ZSCAN31: variants seen among roughly 807,000 people sequenced by gnomAD.
The protein encoded by ZSCAN31 is zinc finger and SCAN domain-containing protein 31.
Under a neutral mutation model 22.5 loss-of-function variants are expected in ZSCAN31, and 14 were observed. The ratio of observed to expected loss-of-function variants is 0.62; its 90% confidence interval spans 0.41 to 0.97. ZSCAN31 has a LOEUF of 0.97. Ranked by LOEUF, ZSCAN31 falls within the 50% of genes least tolerant of loss-of-function variation. The probability of loss-of-function intolerance (pLI) is 0.00; values close to 1 mark genes in which losing one functional copy is unlikely to be tolerated. For missense variants in ZSCAN31, 424 were observed against 483.4 expected (o/e 0.88, Z 1.15); for synonymous variants, 168 against 169.8 (o/e 0.99, Z 0.08).
At chr6:28,355,053 C>T (rs925656286), upstream of ZSCAN31, among the ~76,000 whole-genome samples, 1 of 152,122 alleles carries the variant, frequency 6.6e-6, no homozygotes, top group African/African-American at 2.4e-5. Flanking sequence ...GCAGTAGCAC[C>T]CTGGCTAGAC....
chr6:28,351,744 CT>C lies in ZSCAN31; in HGVS notation c.-371+2117del, dbSNP rs113627966. Among the ~76,000 whole-genome samples, 300 of 151,730 alleles carry C rather than the reference CT, an allele frequency of 2.0e-3. 1 individual carries two copies. Among genetic ancestry groups the C allele is most frequent in the Middle Eastern group, 6.8e-3 (2 of 294 alleles). On this transcript the variant is annotated intron_variant, in intron 2 of 7. Transcript: ENST00000396838. The surrounding 1 kb of genome is among the most constrained non-coding windows in gnomAD (Gnocchi z 4.6). Reference sequence around the variant, plus strand: ...TTCCTTTCCTTCCCTCCCTCTCCCCCTCTTTATCTCTTTTTTTTCCTCATTT... The same window carrying C: ...TTCCTTTCCTTCCCTCCCTCTCCCCCCTTTATCTCTTTTTTTTCCTCATTT...
chr6:28,351,741 C>T lies in ZSCAN31; in HGVS notation c.-371+2121G>A, dbSNP rs1043209747. ...GTCTTCCTTTCCTTCCCTCCCTCTC[C>T]CCCTCTTTATCTCTTTTTTTTCCTC... On this transcript the variant is annotated intron_variant, in intron 2 of 7. Transcript: ENST00000396838. The surrounding 1 kb of genome is among the most constrained non-coding windows in gnomAD (Gnocchi z 4.6). Among the ~76,000 whole-genome samples, 1 of 151,720 alleles carries T rather than the reference C, an allele frequency of 6.6e-6. No homozygotes were observed. Among genetic ancestry groups the T allele is most frequent in the African/African-American group, 2.4e-5 (1 of 41,232 alleles).
upstream of ZSCAN31, chr6:28,355,203 C>T (rs1765341954): frequency 6.6e-6 from 1 of 152,170 alleles, no homozygotes; most frequent in Admixed American, 6.5e-5. Flanking sequence ...TGTAATTGTG[C>T]TTCTAAGGGA....
rs535033374 is a variant in ZSCAN31 at position 28,349,312 on chromosome 6, G to T, written c.-371+4550C>A. Among the ~76,000 whole-genome samples the T allele has an allele frequency of 6.6e-6, 1 of 151,706 alleles. No individual in the cohort carries two copies. The highest frequency in any genetic ancestry group is 6.6e-5 in the Admixed American group (1 of 15,244). On this transcript the variant is annotated intron_variant, in intron 2 of 7. Coordinates refer to the ZSCAN31 transcript ENST00000396838. This position sits in a 1 kb window ranked among gnomAD's most constrained non-coding sequence, Gnocchi z 4.1. ...TAAAGTTACTAATGTTTCCATTCAG[G>T]TATCTTTTGTAAGTATTTGCTTCTG...
chr6:28,346,812 G>A (rs1299711570), intron 2 of ZSCAN31, among the ~76,000 whole-genome samples: 1 of 152,116 alleles, frequency 6.6e-6, no homozygotes, highest in Non-Finnish European at 1.5e-5. Context: ...GGATAGTAGA[G>A]GAGAGAGACA....
intron 2 of ZSCAN31, among the ~76,000 whole-genome samples, chr6:28,345,464 G>T (rs1440979207): frequency 1.3e-5 from 2 of 152,116 alleles, no homozygotes; most frequent in Non-Finnish European, 2.9e-5. Context: ...GTCCCTCCCC[G>T]CTCAGTGGTG....
At chr6:28,334,921 G>A (rs1324757728) in intron 1 of ZSCAN31, among the ~76,000 whole-genome samples, 1 of 152,196 alleles carries the variant, frequency 6.6e-6, no homozygotes, top group Non-Finnish European at 1.5e-5. Context: ...AACTAGAGGT[G>A]ACAAGTTATG....
intron 3 of ZSCAN31, 60 bp from the exon 4 acceptor site, chr6:28,326,914 T>C: frequency 7.1e-7 from 1 of 1,399,362 alleles, no homozygotes. Flanking sequence ...AATACAATCA[T>C]AGGATGGAAA....
At chr6:28,336,898 AT>A (rs1275644890), upstream of ZSCAN31, 4 of 151,928 alleles carry the variant, frequency 2.6e-5, no homozygotes, top group Non-Finnish European at 5.9e-5. Context: ...TGGTTTTGTT[AT>A]TTTGTGTTTT....
chr6:28,349,133 ATG>A lies in ZSCAN31; in HGVS notation c.-371+4727_-371+4728del, dbSNP rs1008442372. On this transcript the variant is annotated intron_variant, in intron 2 of 7. Transcript: ENST00000396838. The surrounding 1 kb of genome is among the most constrained non-coding windows in gnomAD (Gnocchi z 4.1). The stretch of plus-strand genomic sequence containing the variant: ...GTCTCATATACATAGGTGTATATAT[ATG>A]TCTCATATATAGGTGTATATATATG... Among the ~76,000 whole-genome samples the A allele has an allele frequency of 6.3e-5, 9 of 143,854 alleles. 1 individual carries two copies. Among genetic ancestry groups the A allele is most frequent in the African/African-American group, 2.4e-4 (9 of 37,782 alleles). The allele number at this position is 143,854 out of a possible 152,430, so 94.4% of individuals were successfully genotyped here.
In ZSCAN31 at chr6:28,327,547, G is replaced by A. The variant is rs1267973897; in HGVS notation, c.382-14C>T. 1.2e-5 allele frequency: 19 copies of A among 1,610,446 alleles called. No homozygotes were observed. In the East Asian group the frequency reaches 2.9e-4, roughly 25 times the overall value. ...ATGGTCTGGAGCCTGAAGGCAGGTAGGCATATTTGGTTAAAGAGGGGGATT... is the reference window on the plus strand; with the variant it reads ...ATGGTCTGGAGCCTGAAGGCAGGTAAGCATATTTGGTTAAAGAGGGGGATT... On this transcript the variant is annotated splice_polypyrimidine_tract_variant and intron_variant, in intron 2 of 3. Transcript: ENST00000344279.
At chr6:28,327,971 C>G (rs1042906036) in intron 2 of ZSCAN31, among the ~76,000 whole-genome samples, 11 of 152,126 alleles carry the variant, frequency 7.2e-5, no homozygotes, top group Admixed American at 6.5e-4. Context: ...AGCTGGGTGT[C>G]CAGGGAAGAC....
Position 28,327,522 on chromosome 6 carries a change from A to G in ZSCAN31, c.393T>C (p.His131=), listed in dbSNP as rs1208343639. The change falls in exon 3 of 4, where the codon CAT becomes CAC. Residue 131 remains histidine (H), a synonymous_variant. Transcript: ENST00000344279. ...LSEPGNQAPD[H]EHGHSEVLLE... is the part of the protein sequence containing the mutation. ...AGAGCACTTCAGAATGTCCATGTTC[A>G]TGGTCTGGAGCCTGAAGGCAGGTAG... 1 of 1,613,194 alleles carries G rather than the reference A, an allele frequency of 6.2e-7. No homozygotes were observed. The highest frequency in any genetic ancestry group is 1.3e-5 in the African/African-American group (1 of 74,912).
chr6:28,338,096 G>A (rs1311993312), upstream of ZSCAN31, among the ~76,000 whole-genome samples: 1 of 151,546 alleles, frequency 6.6e-6, no homozygotes, highest in African/African-American at 2.4e-5. Flanking sequence ...AAACAAAAAT[G>A]GAGATTTAGA....
At position 28,326,045 on chromosome 6, in the gene ZSCAN31, C is replaced by A; in HGVS notation, c.*121G>T. 1.1e-6 allele frequency: 1 copy of A among 899,252 alleles called. No homozygotes were observed. The highest frequency in any genetic ancestry group is 1.7e-6 in the Non-Finnish European group (1 of 588,094). 55.7% of individuals were successfully genotyped at this position (899,252 alleles called of 1,614,324 possible). On this transcript the variant is annotated 3_prime_UTR_variant, in exon 4 of 4. Transcript: ENST00000344279. ...CACTTGAAAATCTTACTTTCCAAGA[C>A]GGCCCCATTTAGGGGTCTGAGGGTC...
At chr6:28,355,058 C>T (rs1765333436), upstream of ZSCAN31, among the ~76,000 whole-genome samples, 1 of 152,194 alleles carries the variant, frequency 6.6e-6, no homozygotes, top group African/African-American at 2.4e-5. Flanking sequence ...AGCACCCTGG[C>T]TAGACCTATC....
chr6:28,355,738 G>A (rs1414944190), upstream of ZSCAN31: 3 of 152,344 alleles, frequency 2.0e-5, no homozygotes, highest in East Asian at 1.9e-4. Context: ...TTGGGGCTAT[G>A]CATATATCCC....
At position 28,329,737 on chromosome 6, in the gene ZSCAN31, G is replaced by C; in HGVS notation, c.-54C>G. ...TGGCTTTAAGTAAAGGGATAACTGT[G>C]ATTTAAAATTTTCTGATTTAATCTT... On this transcript the variant is annotated 5_prime_UTR_variant, in exon 2 of 4. The change creates a new upstream start codon in the 5' untranslated region. Transcript: ENST00000344279. 1 of 1,528,874 alleles carries C rather than the reference G, an allele frequency of 6.5e-7. No individual in the cohort carries two copies. Among genetic ancestry groups the C allele is most frequent in the Non-Finnish European group, 8.8e-7 (1 of 1,141,728 alleles). The allele number at this position is 1,528,874 out of a possible 1,614,324, so 94.7% of individuals were successfully genotyped here. A position where few individuals can be genotyped will look rare whatever the true frequency, so the allele number is the denominator to read the frequency against.
chr6:28,335,659 G>A (rs987964114), intron 1 of ZSCAN31, among the ~76,000 whole-genome samples: 1 of 152,192 alleles, frequency 6.6e-6, no homozygotes, highest in African/African-American at 2.4e-5. Flanking sequence ...CCCGGACCAA[G>A]CTGAGTCAAG....
Sources: allele counts gnomAD v4.1 joint callset (sites outside exome capture counted in the v4.1 genomes callset), GRCh38; gene constraint gnomAD v4.1.1; non-coding constraint Gnocchi (gnomAD v3.1); transcripts MANE v1.5; gene names NCBI Gene and HGNC (gene_info 2026-07-23, HGNC 2026-07-21).